Variants in CFI observed in about 807,000 individuals in gnomAD.
CFI encodes C3B/C4B inactivator.
A neutral mutation model predicts 78.8 loss-of-function variants in CFI; 66 were observed. The observed-to-expected ratio is 0.84, with a 90% confidence interval of 0.69 to 1.03. CFI has a LOEUF of 1.03. Among genes scored for constraint, CFI ranks in the 50% least tolerant of loss-of-function variants. CFI has a pLI of 0.00. For missense variants in CFI, 706 were observed against 704.5 expected, an observed-to-expected ratio of 1.00 and a Z score of -0.02; for synonymous variants, 250 against 232.6, an observed-to-expected ratio of 1.07 and a Z score of -0.68.
At chr4:109,768,870 T>C (rs1047588471) in intron 1 of CFI, among the ~76,000 whole-genome samples, 5 of 144,520 alleles carry the variant, frequency 3.5e-5, no homozygotes, top group African/African-American at 1.3e-4. Flanking sequence ...AATTTGCTTT[T>C]CAATAAACTG....
At chr4:109,756,953 G>GAAAGAAAGA (rs1726349469) in intron 7 of CFI, among the ~76,000 whole-genome samples, 1 of 138,926 alleles carries the variant, frequency 7.2e-6, no homozygotes, top group African/African-American at 2.6e-5. Context: ...AAGAAAGAAA[G>GAAAGAAAGA]AAAGAAAGAA....
chr4:109,771,476 A>AGGCAGATTGCCTGAGGTC, intron 1 of CFI, among the ~76,000 whole-genome samples: 1 of 151,520 alleles, frequency 6.6e-6, no homozygotes, highest in East Asian at 1.9e-4. Context: ...ATGCTGAGGC[A>AGGCAGATTGCCTGAGGTC]GGCAGATTGC....
At chr4:109,761,458 T>G (rs2126215909) in intron 4 of CFI, 59 bp downstream of exon 4, 1 of 1,484,424 alleles carries the variant, frequency 6.7e-7, no homozygotes, top group Middle Eastern at 1.7e-4. Flanking sequence ...TACTATAGGC[T>G]TGGTGTAAAA....
chr4:109,755,572 C>T (rs1264268407), intron 7 of CFI, among the ~76,000 whole-genome samples: 2 of 151,984 alleles, frequency 1.3e-5, no homozygotes, highest in African/African-American at 4.8e-5. Context: ...TGAGAGTGGG[C>T]TTGTTATATA....
At chr4:109,771,711 C>T (rs1728618954) in intron 1 of CFI, among the ~76,000 whole-genome samples, 1 of 53,462 alleles carries the variant, frequency 1.9e-5, no homozygotes, top group African/African-American at 8.3e-5. Flanking sequence ...AAGACTCCAT[C>T]ACCAAAAAAA....
chr4:109,792,244 T>C (rs891365808), intron 1 of CFI, among the ~76,000 whole-genome samples: 5 of 152,160 alleles, frequency 3.3e-5, no homozygotes, highest in Admixed American at 2.0e-4. Context: ...CTATTCATTA[T>C]AGAAAGTGGA....
rs1554027428 is a variant in CFI, at chr4:109,753,058, A to AT, written c.905-556dup. ...TATAATATATATTTATTATATATTT[A>AT]TATATAAATAAATATTTATAATATA... is the stretch of plus-strand genomic sequence containing the variant. On this transcript the variant is annotated intron_variant, in intron 7 of 12. Coordinates refer to ENST00000394634, the MANE Select transcript of CFI (RefSeq NM_000204.5). 9.3e-3 allele frequency among the ~76,000 whole-genome samples: 19 copies of AT among 2,050 alleles called. 2 individuals carry two copies. Among genetic ancestry groups the AT allele is most frequent in the African/African-American group, 0.013 (16 of 1,212 alleles). The allele number at this position is 2,050 out of a possible 152,430, so 1.3% of individuals were successfully genotyped here. A position where few individuals can be genotyped will look rare whatever the true frequency, so the allele number is the denominator to read the frequency against.
intron 3 of CFI, among the ~76,000 whole-genome samples, chr4:109,764,059 A>G: frequency 6.7e-6 from 1 of 149,214 alleles, no homozygotes; most frequent in South Asian, 2.1e-4. Flanking sequence ...ATACTTATAT[A>G]CTATAATTAT....
At chr4:109,751,791 GT>G (rs932395356) in intron 8 of CFI, among the ~76,000 whole-genome samples, 1 of 152,010 alleles carries the variant, frequency 6.6e-6, no homozygotes, top group African/African-American at 2.4e-5. Flanking sequence ...CTTAATTTTG[GT>G]TACTGACAAT....
rs150082318 is a variant in CFI at position 109,761,563 on chromosome 4, C to T, written c.612G>A (p.Met204Ile). The T allele has an allele frequency of 5.0e-6, 8 of 1,614,072 alleles. No individual in the cohort carries two copies. In the African/African-American group the frequency reaches 9.3e-5, roughly 19 times the overall value. The change falls in exon 4 of 13, where the codon ATG (methionine) becomes ATA (isoleucine). Residue 204 changes from methionine (M) to isoleucine (I), a missense_variant. Coordinates refer to ENST00000394634, the MANE Select transcript of CFI (RefSeq NM_000204.5). ...CCACATCAGCGAAATCCTGGTAACC[C>T]ATAGTTCTTCTCTTAGTAAAAGTAC... ...AECTFTKRRT[M>I]GYQDFADVVC...
Position 109,783,402 on chromosome 4 carries a change from G to A in CFI, c.58-16578C>T, listed in dbSNP as rs563834055. ...AATTTTCAAAAGAAGATATACAAATGGCCAACAAACATATGAAAAAATGCT... is the reference window on the plus strand; with the variant it reads ...AATTTTCAAAAGAAGATATACAAATAGCCAACAAACATATGAAAAAATGCT... On this transcript the variant is annotated intron_variant, in intron 1 of 12. Coordinates refer to ENST00000394634, the MANE Select transcript of CFI (RefSeq NM_000204.5). Among the ~76,000 whole-genome samples the A allele has an allele frequency of 2.0e-5, 3 of 152,000 alleles. No individual in the cohort carries two copies. The East Asian group carries it at 5.8e-4, about 29-fold the overall frequency.
chr4:109,755,227 A>G (rs980435405), intron 7 of CFI, among the ~76,000 whole-genome samples: 2 of 152,224 alleles, frequency 1.3e-5, no homozygotes, highest in Admixed American at 1.3e-4. Flanking sequence ...ATTGAAGTTA[A>G]TAAACAATGC....
At chr4:109,731,082 G>T in the CFI span, among the ~76,000 whole-genome samples, 1 of 152,188 alleles carries the variant, frequency 6.6e-6, no homozygotes, top group African/African-American at 2.4e-5. Flanking sequence ...ACCAAGCGCG[G>T]TGGTTTACGC....
At chr4:109,801,396 G>C (rs1732755282) in intron 1 of CFI, among the ~76,000 whole-genome samples, 1 of 152,164 alleles carries the variant, frequency 6.6e-6, no homozygotes, top group Non-Finnish European at 1.5e-5. Context: ...TGACCTCTCA[G>C]CATGAAGTGA....
At chr4:109,797,825 A>G (rs1732254792) in intron 1 of CFI, among the ~76,000 whole-genome samples, 1 of 152,214 alleles carries the variant, frequency 6.6e-6, no homozygotes, top group Non-Finnish European at 1.5e-5. Context: ...GTTTAATATC[A>G]CTAACCATTA....
intron 1 of CFI, among the ~76,000 whole-genome samples, chr4:109,785,610 AGCT>A (rs1291903114): frequency 3.3e-5 from 5 of 151,886 alleles, no homozygotes; most frequent in African/African-American, 1.2e-4. Flanking sequence ...CATCTCCTCT[AGCT>A]GCTGCTGCTT....
At chr4:109,777,872 C>T (rs922659631) in intron 1 of CFI, among the ~76,000 whole-genome samples, 1 of 152,122 alleles carries the variant, frequency 6.6e-6, no homozygotes, top group Non-Finnish European at 1.5e-5. Context: ...CAACCTGCTC[C>T]CGAATGACTA....
At position 109,780,467 on chromosome 4, in the gene CFI, G is replaced by T. The variant is rs979090445; in HGVS notation, c.58-13643C>A. On this transcript the variant is annotated intron_variant, in intron 1 of 12. Coordinates refer to ENST00000394634, the MANE Select transcript of CFI (RefSeq NM_000204.5). ...ATGAGATACCATCTCACACCAGTTAGAATGGCGATCATTAAAAAGTCAGGA... is the reference window on the plus strand; with the variant it reads ...ATGAGATACCATCTCACACCAGTTATAATGGCGATCATTAAAAAGTCAGGA... Among the ~76,000 whole-genome samples the T allele has an allele frequency of 5.3e-5, 8 of 152,148 alleles. No individual in the cohort carries two copies. In the East Asian group the frequency reaches 1.5e-3, roughly 29 times the overall value.
intron 1 of CFI, among the ~76,000 whole-genome samples, chr4:109,785,984 C>A (rs540673903): frequency 2.6e-5 from 4 of 151,872 alleles, no homozygotes; most frequent in African/African-American, 9.7e-5. Flanking sequence ...TAGTCTTGGG[C>A]AGTTCTTTAT....
Sources: allele counts gnomAD v4.1 joint callset (sites outside exome capture counted in the v4.1 genomes callset), GRCh38; gene constraint gnomAD v4.1.1; transcripts MANE v1.5; gene names NCBI Gene and HGNC (gene_info 2026-07-23, HGNC 2026-07-21).